Variants in SOX5 observed in about 807,000 individuals in gnomAD.
SOX5 encodes SRY-box transcription factor 5, also known as transcription factor SOX-5.
A neutral mutation model predicts 92.0 loss-of-function variants in SOX5; 9 were observed. The observed-to-expected ratio is 0.10, with a 90% CI of 0.06 to 0.17. SOX5 has a LOEUF of 0.17. SOX5 is among the 10% of genes least tolerant of loss of function. The pLI is 1.00. For missense variants in SOX5, 642 were observed against 944.5 expected (o/e 0.68, Z 4.20); for synonymous variants, 344 against 336.3 (o/e 1.02, Z -0.25).
intron 2 of SOX5, among the ~76,000 whole-genome samples, chr12:24,324,511 G>T (rs945421209): frequency 1.3e-5 from 2 of 151,446 alleles, no homozygotes; most frequent in Non-Finnish European, 1.5e-5. Context: ...ACAAAGAAAA[G>T]TTTTTGCAAT....
chr12:24,525,057 A>G (rs1487730073), intron 1 of SOX5, among the ~76,000 whole-genome samples: 1 of 152,224 alleles, frequency 6.6e-6, no homozygotes, highest in Admixed American at 6.5e-5. Context: ...ATTTATCCAA[A>G]TGAATTAAAA....
At chr12:23,873,052 T>C (rs1172537140) in intron 2 of SOX5, among the ~76,000 whole-genome samples, 2 of 152,228 alleles carry the variant, frequency 1.3e-5, no homozygotes, top group Non-Finnish European at 2.9e-5. Flanking sequence ...TTTCCTTATA[T>C]GAGACAGCCT....
intron 3 of SOX5, among the ~76,000 whole-genome samples, chr12:23,777,534 G>A (rs1250974665): frequency 1.3e-5 from 2 of 151,988 alleles, no homozygotes; most frequent in Admixed American, 6.6e-5. Flanking sequence ...TGACCATAAC[G>A]TCTGCCTCTA....
At chr12:23,869,154 C>A (rs572811205) in intron 2 of SOX5, among the ~76,000 whole-genome samples, 54 of 152,206 alleles carry the variant, frequency 3.5e-4, no homozygotes, top group African/African-American at 1.2e-3. Flanking sequence ...TAATTCCTAG[C>A]CTACACTTAC....
intron 1 of SOX5, among the ~76,000 whole-genome samples, chr12:24,528,579 T>C (rs1409846016): frequency 7.2e-5 from 11 of 152,194 alleles, no homozygotes; most frequent in Admixed American, 7.2e-4. Flanking sequence ...TACTGATATA[T>C]CACTATCCCT....
At chr12:24,246,480 C>T (rs2092374008) in intron 3 of SOX5, among the ~76,000 whole-genome samples, 1 of 152,012 alleles carries the variant, frequency 6.6e-6, no homozygotes, top group South Asian at 2.1e-4. Flanking sequence ...GCCAGGAATA[C>T]ATTCTCATGT....
chr12:23,875,017 T>G (rs1419606094), intron 2 of SOX5, among the ~76,000 whole-genome samples: 1 of 152,182 alleles, frequency 6.6e-6, no homozygotes, highest in African/African-American at 2.4e-5. Flanking sequence ...AGAATAGGTC[T>G]TCAACTTCCA....
Position 24,194,707 on chromosome 12 carries a change from G to A in SOX5, c.-2+18636C>T, listed in dbSNP as rs1446472790. The stretch of plus-strand genomic sequence containing the variant: ...ACCTACTGTATAAGCAACAAAAATA[G>A]AGCTGGCATTCAGGACTCCATTAGA... On this transcript the variant is annotated intron_variant, in intron 4 of 4. Transcript: ENST00000446891. Among the ~76,000 whole-genome samples, 3 of 152,156 alleles carry A rather than the reference G, an allele frequency of 2.0e-5. No homozygotes were observed. In the East Asian group the frequency reaches 5.8e-4, roughly 29 times the overall value.
At chr12:24,107,843 C>CTACTCATCACTATGGTAACATT (rs1322293889) in intron 4 of SOX5, among the ~76,000 whole-genome samples, 2 of 152,192 alleles carry the variant, frequency 1.3e-5, no homozygotes, top group Non-Finnish European at 2.9e-5. Flanking sequence ...ACAGTGTCCA[C>CTACTCATCACTATGGTAACATT]TACTCATCAC....
chr12:24,362,609 C>T (rs1395116734), intron 2 of SOX5, among the ~76,000 whole-genome samples: 1 of 152,114 alleles, frequency 6.6e-6, no homozygotes, highest in African/African-American at 2.4e-5. Context: ...GCCCAGTTCT[C>T]CCTTACACAA....
chr12:23,900,817 G>A (rs112697794), intron 1 of SOX5, among the ~76,000 whole-genome samples: 43 of 152,064 alleles, frequency 2.8e-4, no homozygotes, highest in African/African-American at 7.7e-4. Flanking sequence ...AAAATTAGCC[G>A]GGTGTGGTGG....
intron 3 of SOX5, among the ~76,000 whole-genome samples, chr12:23,784,544 T>C (rs1286023840): frequency 1.3e-5 from 2 of 152,124 alleles, no homozygotes; most frequent in East Asian, 3.9e-4. Context: ...GCCAGGATGG[T>C]CTCGATCTCT....
At chr12:23,982,634 T>C (rs371472473) in intron 4 of SOX5, among the ~76,000 whole-genome samples, 1 of 152,084 alleles carries the variant, frequency 6.6e-6, no homozygotes. Context: ...TAACTAACTC[T>C]TAAAGTAGAA....
At chr12:23,979,912 G>GA (rs1949387000) in intron 4 of SOX5, among the ~76,000 whole-genome samples, 1 of 117,660 alleles carries the variant, frequency 8.5e-6, no homozygotes, top group Non-Finnish European at 1.7e-5. Flanking sequence ...TGGCTGGCTG[G>GA]CCAGACAGAC....
At chr12:23,997,203 G>A (rs1341927733) in intron 4 of SOX5, among the ~76,000 whole-genome samples, 2 of 152,170 alleles carry the variant, frequency 1.3e-5, no homozygotes, top group African/African-American at 4.8e-5. Context: ...TCCTTGAGCA[G>A]TTTCCACCCA....
chr12:23,710,050 G>A (rs534192577), intron 6 of SOX5, among the ~76,000 whole-genome samples: 17 of 152,028 alleles, frequency 1.1e-4, no homozygotes, highest in African/African-American at 3.6e-4. Context: ...CTATTCCAAC[G>A]GAAAAAGTCA....
At chr12:24,538,643 C>A (rs1180495199) in intron 1 of SOX5, among the ~76,000 whole-genome samples, 1 of 141,778 alleles carries the variant, frequency 7.1e-6, no homozygotes, top group Non-Finnish European at 1.6e-5. Flanking sequence ...ACACACTACA[C>A]GATAAGAAGA....
chr12:23,584,755 G>C (rs1041031580), intron 9 of SOX5: 20 of 574,342 alleles, frequency 3.5e-5, no homozygotes, highest in African/African-American at 5.7e-5. Flanking sequence ...GTGTATGTGT[G>C]TGTGTTTAAT....
intron 2 of SOX5, among the ~76,000 whole-genome samples, chr12:24,292,889 A>G (rs1157468068): frequency 2.0e-5 from 3 of 152,192 alleles, no homozygotes; most frequent in African/African-American, 4.8e-5. Flanking sequence ...TTCTCATGAC[A>G]TGAGAGATGA....
Sources: allele counts gnomAD v4.1 joint callset (sites outside exome capture counted in the v4.1 genomes callset), GRCh38; gene constraint gnomAD v4.1.1; transcripts MANE v1.5; gene names NCBI Gene and HGNC (gene_info 2026-07-23, HGNC 2026-07-21).